Variants in PCP4 observed in about 807,000 individuals in gnomAD.
The protein encoded by PCP4 is Purkinje cell protein 4.
A neutral mutation model predicts 10.0 loss-of-function variants in PCP4; 8 were observed. The observed-to-expected ratio is 0.80, with a 90% CI of 0.47 to 1.45. The LOEUF is 1.45. Ranked by LOEUF, PCP4 falls within the 40% of genes most tolerant of loss-of-function variation. The probability of loss-of-function intolerance (pLI) is 0.00; values close to 1 mark genes in which losing one functional copy is unlikely to be tolerated. For synonymous variants in PCP4, 21 were observed against 23.0 expected (o/e 0.91, Z 0.24); for missense variants, 54 against 74.4 (o/e 0.73, Z 1.01).
chr21:39,891,263 G>T lies in PCP4; in HGVS notation c.10-7213G>T, dbSNP rs367594210. ...TAGGCCCTCTCTGAGGACCCCCGTG[G>T]GTGGCTGCCTCAGCGTGGGCTCTGC... is the stretch of plus-strand genomic sequence containing the variant. On this transcript the variant is annotated intron_variant, in intron 1 of 2. Coordinates refer to ENST00000328619, the MANE Select transcript of PCP4 (RefSeq NM_006198.3). Among the ~76,000 whole-genome samples, 5 of 152,324 alleles carry T rather than the reference G, an allele frequency of 3.3e-5. No homozygotes were observed. In the East Asian group the frequency reaches 9.7e-4, roughly 29 times the overall value.
chr21:39,873,413 A>C (rs893617267), intron 1 of PCP4, among the ~76,000 whole-genome samples: 1 of 152,286 alleles, frequency 6.6e-6, no homozygotes, highest in East Asian at 1.9e-4. Flanking sequence ...CATAATATTA[A>C]TTAAAATAAA....
chr21:39,898,367 A>G lies in PCP4; in HGVS notation c.10-109A>G, dbSNP rs534176737. ...TGCTTTAGCCATCTGAGCTAAAGTA[A>G]CATAGAACTTGATATAATGCAAGAG... is the stretch of plus-strand genomic sequence containing the variant. On this transcript the variant is annotated intron_variant, in intron 1 of 2. Coordinates refer to ENST00000328619, the MANE Select transcript of PCP4 (RefSeq NM_006198.3). 1.0e-5 allele frequency: 9 copies of G among 889,072 alleles called. No individual in the cohort carries two copies. The South Asian group carries it at 1.1e-4, about 11-fold the overall frequency. 55.1% of individuals were successfully genotyped at this position (889,072 alleles called of 1,614,324 possible).
chr21:39,889,234 A>G (rs2087416537), intron 1 of PCP4, among the ~76,000 whole-genome samples: 2 of 152,024 alleles, frequency 1.3e-5, no homozygotes, highest in Non-Finnish European at 2.9e-5. Flanking sequence ...AGGCAAGTCT[A>G]CTGGGGAGAT....
chr21:39,901,616 G>A (rs1412793126), intron 2 of PCP4, among the ~76,000 whole-genome samples: 12 of 152,190 alleles, frequency 7.9e-5, no homozygotes, highest in African/African-American at 2.7e-4. Flanking sequence ...TTTTATGGAG[G>A]TATAAAAATT....
chr21:39,911,776 G>C (rs1394970443), intron 2 of PCP4, among the ~76,000 whole-genome samples: 3 of 152,226 alleles, frequency 2.0e-5, no homozygotes, highest in African/African-American at 7.2e-5. Flanking sequence ...GTGTGTGGAA[G>C]AGTTGAACCG....
chr21:39,871,857 T>A (rs1276297286), intron 1 of PCP4, among the ~76,000 whole-genome samples: 1 of 151,418 alleles, frequency 6.6e-6, no homozygotes, highest in Non-Finnish European at 1.5e-5. Flanking sequence ...AAGATGTATA[T>A]TTTTTTTTCA....
intron 1 of PCP4, among the ~76,000 whole-genome samples, chr21:39,873,403 CATA>C (rs1369351840): frequency 6.6e-6 from 1 of 151,886 alleles, no homozygotes; most frequent in African/African-American, 2.4e-5. Flanking sequence ...ATAGCATACT[CATA>C]ATATTAATTA....
intron 1 of PCP4, among the ~76,000 whole-genome samples, chr21:39,883,849 C>T (rs957946966): frequency 2.6e-5 from 4 of 152,162 alleles, no homozygotes; most frequent in African/African-American, 7.2e-5. Context: ...AACATCTCTT[C>T]TTAAGCCTGT....
chr21:39,925,442 G>A (rs2087615927), intron 2 of PCP4, among the ~76,000 whole-genome samples: 1 of 152,230 alleles, frequency 6.6e-6, no homozygotes, highest in Non-Finnish European at 1.5e-5. Context: ...CACCTACTGT[G>A]TGTGTGCGCT....
At chr21:39,880,429 G>A (rs1210103462) in intron 1 of PCP4, among the ~76,000 whole-genome samples, 4 of 152,198 alleles carry the variant, frequency 2.6e-5, no homozygotes, top group African/African-American at 9.7e-5. Context: ...CTTGGCATAT[G>A]TATGTGCATG....
intron 1 of PCP4, among the ~76,000 whole-genome samples, chr21:39,890,999 G>A (rs1308608363): frequency 6.6e-6 from 1 of 152,142 alleles, no homozygotes; most frequent in Non-Finnish European, 1.5e-5. Context: ...TATTGATGAT[G>A]TTGCACAGCT....
chr21:39,914,811 T>A (rs970072861), intron 2 of PCP4, among the ~76,000 whole-genome samples: 2 of 152,176 alleles, frequency 1.3e-5, no homozygotes, highest in African/African-American at 4.8e-5. Context: ...TTTTTAGAGT[T>A]TAATGCTTTA....
At chr21:39,919,994 G>C (rs1483636869) in intron 2 of PCP4, among the ~76,000 whole-genome samples, 4 of 147,732 alleles carry the variant, frequency 2.7e-5, no homozygotes, top group Non-Finnish European at 6.0e-5. Context: ...TGTGTGTGGG[G>C]TGTGTTTGAT....
chr21:39,869,846 T>C (rs1383090678), intron 1 of PCP4, among the ~76,000 whole-genome samples: 3 of 152,248 alleles, frequency 2.0e-5, no homozygotes, highest in African/African-American at 7.2e-5. Context: ...CAGAAATGGC[T>C]TTCAGATCAT....
At position 39,867,507 on chromosome 21, in the gene PCP4, T is replaced by C. The variant is rs1375623615; in HGVS notation, c.6T>C (p.Ser2=). The change falls in exon 1 of 3, where the codon AGT becomes AGC. Residue 2 remains serine, a synonymous_variant. Transcript: ENST00000328619. ...GCTGTTGAGTTAGAGCCAACATGAG[T>C]GAGGTGAGTGATGCTTCGACCTGGA... The part of the protein sequence containing the change: M[S]ERQGAGATNG... 7 of 1,613,856 alleles carry C rather than the reference T, an allele frequency of 4.3e-6. No homozygotes were observed. In the East Asian group the frequency reaches 1.6e-4, roughly 36 times the overall value.
chr21:39,907,650 A>G (rs888798056), intron 2 of PCP4, among the ~76,000 whole-genome samples: 2 of 152,128 alleles, frequency 1.3e-5, no homozygotes, highest in South Asian at 4.1e-4. Flanking sequence ...TACAAAAATT[A>G]TCTGGGCGTG....
intron 2 of PCP4, among the ~76,000 whole-genome samples, chr21:39,927,365 CT>C (rs1397724304): frequency 7.2e-5 from 10 of 138,236 alleles, no homozygotes; most frequent in East Asian, 2.1e-4. Flanking sequence ...ATCTATCTAT[CT>C]ATCATCTATC....
chr21:39,878,565 T>A lies in PCP4; in HGVS notation c.9+11055T>A, dbSNP rs1181545503. On this transcript the variant is annotated intron_variant, in intron 1 of 2. Transcript: ENST00000328619. ...TGCATCTTTCTTTAAAAGTGAAAAG[T>A]CTTCTGTATATTGGAAAGAGATTAC... Among the ~76,000 whole-genome samples, 3 of 152,312 alleles carry A rather than the reference T, an allele frequency of 2.0e-5. No homozygotes were observed. The East Asian group carries it at 5.8e-4, about 29-fold the overall frequency.
At chr21:39,884,658 G>A (rs914907786) in intron 1 of PCP4, among the ~76,000 whole-genome samples, 2 of 151,898 alleles carry the variant, frequency 1.3e-5, no homozygotes, top group Admixed American at 6.5e-5. Context: ...TTAGCCAGGC[G>A]TGGTGGCATG....
Sources: allele counts gnomAD v4.1 joint callset (sites outside exome capture counted in the v4.1 genomes callset), GRCh38; gene constraint gnomAD v4.1.1; transcripts MANE v1.5; gene names NCBI Gene and HGNC (gene_info 2026-07-23, HGNC 2026-07-21).